The following TSC22D3 variants were observed in gnomAD, a reference collection of about 807,000 sequenced individuals.
TSC22D3 encodes the protein TSC22 domain family member 3.
Under a neutral mutation model 11.1 loss-of-function variants are expected in TSC22D3, and 4 were observed. The ratio of observed to expected loss-of-function variants is 0.36; its 90% CI spans 0.18 to 0.83. TSC22D3 has a LOEUF of 0.83. TSC22D3 is among the 40% of genes least tolerant of loss of function. TSC22D3 has a pLI of 0.48. For missense variants in TSC22D3, 118 were observed against 159.4 expected (o/e 0.74, Z 1.40); for synonymous variants, 77 against 70.3 (o/e 1.10, Z -0.48).
At chrX:107,765,414 C>A (rs1602417873) in intron 1 of TSC22D3, among the ~76,000 whole-genome samples, 1 of 112,276 alleles carries the variant, frequency 8.9e-6, no homozygotes, top group South Asian at 3.7e-4. Context: ...TCCTGCTATA[C>A]CCTCAGCTCC....
rs994198650 is a variant in TSC22D3, at chrX:107,775,483, C to G, written c.-64G>C. ...GGGCGGCTGGCAGGTGCGCGCCCAC[C>G]GAGCTGGCCTGAGGGGACTCCAGGG... On this transcript the variant is annotated 5_prime_UTR_variant, in exon 1 of 3. Coordinates refer to ENST00000372383, the MANE Select transcript of TSC22D3 (RefSeq NM_198057.3). The G allele has an allele frequency of 1.2e-4, 119 of 974,869 alleles. No homozygotes were observed. The highest frequency in any genetic ancestry group is 1.6e-4 in the Non-Finnish European group (117 of 722,999). 80.3% of individuals were successfully genotyped at this position (974,869 alleles called of 1,213,427 possible).
At chrX:107,749,547 T>G (rs1458203371) in intron 1 of TSC22D3, among the ~76,000 whole-genome samples, 1 of 110,414 alleles carries the variant, frequency 9.1e-6, no homozygotes, top group African/African-American at 3.3e-5. Context: ...CACTTTGGCC[T>G]CCCAAAGCAC....
intron 1 of TSC22D3, among the ~76,000 whole-genome samples, chrX:107,744,206 A>C (rs1299864317): frequency 8.9e-6 from 1 of 112,102 alleles, no homozygotes; most frequent in Non-Finnish European, 1.9e-5. Context: ...GCCCTCTCTG[A>C]CATGGCCAAC....
At chrX:107,752,541 G>T (rs990186553) in intron 1 of TSC22D3, among the ~76,000 whole-genome samples, 1 of 111,972 alleles carries the variant, frequency 8.9e-6, no homozygotes, top group African/African-American at 3.2e-5. Flanking sequence ...CAAGCTTCCT[G>T]CCCTGGAGAC....
intron 1 of TSC22D3, among the ~76,000 whole-genome samples, chrX:107,757,299 C>G (rs1929220363): frequency 9.0e-6 from 1 of 111,595 alleles, no homozygotes; most frequent in South Asian, 3.8e-4. Flanking sequence ...ACCCCACTCC[C>G]CGGTCTAATG....
intron 1 of TSC22D3, among the ~76,000 whole-genome samples, chrX:107,753,394 A>G (rs1929026930): frequency 9.0e-6 from 1 of 111,213 alleles, no homozygotes; most frequent in Admixed American, 9.6e-5. Flanking sequence ...CCTGTGACAG[A>G]TACATAAATC....
intron 1 of TSC22D3, among the ~76,000 whole-genome samples, chrX:107,730,305 C>G (rs1006485385): frequency 8.9e-6 from 1 of 111,771 alleles, no homozygotes; most frequent in Admixed American, 9.5e-5. Context: ...TGGAGTTGTG[C>G]TTTGTTTTGA....
chrX:107,751,331 C>A (rs1271211901), intron 1 of TSC22D3, among the ~76,000 whole-genome samples: 1 of 111,425 alleles, frequency 9.0e-6, no homozygotes, highest in South Asian at 3.8e-4. Flanking sequence ...ACTTCCCCTG[C>A]GTAAGCTGTG....
intron 1 of TSC22D3, among the ~76,000 whole-genome samples, chrX:107,734,727 A>G (rs772059725): frequency 1.8e-5 from 2 of 110,497 alleles, no homozygotes; most frequent in Non-Finnish European, 3.8e-5. Context: ...GGTTGGCAAG[A>G]AAGATCATAA....
intron 1 of TSC22D3, among the ~76,000 whole-genome samples, chrX:107,727,782 T>C (rs1029523532): frequency 8.9e-6 from 1 of 112,446 alleles, no homozygotes; most frequent in South Asian, 3.6e-4. Context: ...CATATACTGC[T>C]ATGGGGAGGG....
At chrX:107,714,849 C>A in intron 2 of TSC22D3, 100 bp from the exon 3 acceptor site, 2 of 778,287 alleles carry the variant, frequency 2.6e-6, no homozygotes, top group South Asian at 4.7e-5. Context: ...GTCCTTAATG[C>A]CAGGGCCCTC....
At chrX:107,716,737 G>A (rs1337311088) in intron 1 of TSC22D3, 2 of 1,205,172 alleles carry the variant, frequency 1.7e-6, no homozygotes, top group African/African-American at 1.8e-5. Flanking sequence ...GCAGAGAAGA[G>A]AAGAAGGAGA....
At chrX:107,759,726 C>A (rs1929344614) in intron 1 of TSC22D3, among the ~76,000 whole-genome samples, 1 of 112,721 alleles carries the variant, frequency 8.9e-6, no homozygotes, top group Non-Finnish European at 1.9e-5. Context: ...GCTGGGGATG[C>A]TTCTCTCCTT....
chrX:107,749,191 AC>A (rs1200226890), intron 1 of TSC22D3, among the ~76,000 whole-genome samples: 2 of 100,721 alleles, frequency 2.0e-5, no homozygotes, highest in Admixed American at 2.1e-4. Flanking sequence ...ACACACACAC[AC>A]ACACACACAC....
intron 1 of TSC22D3, among the ~76,000 whole-genome samples, chrX:107,745,353 C>T (rs1928603169): frequency 8.9e-6 from 1 of 112,263 alleles, no homozygotes; most frequent in South Asian, 3.7e-4. Context: ...TTGACTACAT[C>T]AGATCCAAAG....
At chrX:107,767,399 C>T (rs1366511526) in intron 1 of TSC22D3, among the ~76,000 whole-genome samples, 1 of 111,083 alleles carries the variant, frequency 9.0e-6, no homozygotes, top group Non-Finnish European at 1.9e-5. Flanking sequence ...CTAGTGTCTG[C>T]ACAATGGGAA....
chrX:107,775,231 G>C lies in TSC22D3; in HGVS notation c.189C>G (p.Asp63Glu). 1 of 1,212,198 alleles carries C rather than the reference G, an allele frequency of 8.2e-7. No homozygotes were observed. The highest frequency in any genetic ancestry group is 1.1e-6 in the Non-Finnish European group (1 of 895,645). Residue 63 changes from aspartate to glutamate, a missense_variant, in exon 1 of 3, where the codon GAC becomes GAG. Physicochemically the swap from Asp to Glu is conservative, Grantham distance 45. Coordinates refer to ENST00000372383, the MANE Select transcript of TSC22D3 (RefSeq NM_198057.3). ...CCTGCCGCATTATGCTGTTGAGCTTGTCGGTATTGAGGTTCTCAAAGACCA... is the reference window on the plus strand; with the variant it reads ...CCTGCCGCATTATGCTGTTGAGCTTCTCGGTATTGAGGTTCTCAAAGACCA... The part of the protein sequence containing the change: ...EKLVFENLNT[D>E]KLNSIMRQDS...
intron 1 of TSC22D3, chrX:107,717,137 G>A (rs1187200616): frequency 1.2e-6 from 1 of 840,769 alleles, no homozygotes; most frequent in Admixed American, 6.2e-5. Context: ...CCATGCAAAT[G>A]AGTCCTGTAC....
At position 107,757,155 on chromosome X, in the gene TSC22D3, G is replaced by A. The variant is rs1009676134; in HGVS notation, c.320+17945C>T. ...AGTGGCTTGTATGTAGATTGCCTTC[G>A]AGCTGAGGCAGCGTGTCCACCCTCT... On this transcript the variant is annotated intron_variant, in intron 1 of 2. Transcript: ENST00000372383. Among the ~76,000 whole-genome samples the A allele has an allele frequency of 5.3e-5, 6 of 112,742 alleles. No homozygotes were observed. The Admixed American group carries it at 5.6e-4, about 10-fold the overall frequency.
Sources: allele counts gnomAD v4.1 joint callset (sites outside exome capture counted in the v4.1 genomes callset), GRCh38; gene constraint gnomAD v4.1.1; transcripts MANE v1.5; gene names NCBI Gene and HGNC (gene_info 2026-07-23, HGNC 2026-07-21).